Variants in RANBP2 observed in about 807,000 individuals in gnomAD.
The protein encoded by RANBP2 is E3 SUMO-protein ligase RanBP2.
RANBP2 carries 57 observed loss-of-function variants against 303.6 expected under a neutral mutation model. The observed-to-expected ratio is 0.19, with a 90% CI of 0.15 to 0.23. The LOEUF is 0.23. Among genes scored for constraint, RANBP2 ranks in the 10% least tolerant of loss-of-function variants. The pLI is 1.00. For missense variants in RANBP2, 3,138 were observed against 3,780.8 expected, an observed-to-expected ratio of 0.83 and a Z score of 4.46; for synonymous variants, 1,167 against 1,301.5, an observed-to-expected ratio of 0.90 and a Z score of 2.23.
chr2:108,749,059 T>C lies in RANBP2; in HGVS notation c.1203T>C (p.Leu401=). 1 of 1,612,008 alleles carries C rather than the reference T, an allele frequency of 6.2e-7. No individual in the cohort carries two copies. Among genetic ancestry groups the C allele is most frequent in the Non-Finnish European group, 8.5e-7 (1 of 1,179,862 alleles). The part of the protein sequence containing the change: ...SSQSPKDTSF[L]GSDDIGNIDV... ...AGTCACCTAAGGATACATCTTTTCT[T>C]GGTAGCGATGATATTGGAAACATTG... The change falls in exon 9 of 29, where the codon CTT becomes CTC. Residue 401 remains leucine, a synonymous_variant. Transcript: ENST00000283195.
At chr2:108,887,010 T>G in the RANBP2 span, among the ~76,000 whole-genome samples, 2 of 152,190 alleles carry the variant, frequency 1.3e-5, no homozygotes, top group Admixed American at 6.5e-5. Flanking sequence ...TTTTATAGTT[T>G]CATGTCCTAT....
At chr2:109,391,780 C>T in the RANBP2 span, among the ~76,000 whole-genome samples, 1 of 152,152 alleles carries the variant, frequency 6.6e-6, no homozygotes, top group Non-Finnish European at 1.5e-5. Context: ...GGCATCTGTC[C>T]CATATGAGAA....
At chr2:109,333,712 C>G in the RANBP2 span, among the ~76,000 whole-genome samples, 1 of 152,190 alleles carries the variant, frequency 6.6e-6, no homozygotes, top group African/African-American at 2.4e-5. Flanking sequence ...TGAAACCAAA[C>G]TGCTAGAGTT....
At chr2:109,058,425 C>T in the RANBP2 span, among the ~76,000 whole-genome samples, 4 of 152,202 alleles carry the variant, frequency 2.6e-5, no homozygotes, top group Admixed American at 6.5e-5. Flanking sequence ...ACCCCTAAAA[C>T]GATGCGGGCA....
At chr2:109,222,993 C>T in the RANBP2 span, among the ~76,000 whole-genome samples, 11 of 152,240 alleles carry the variant, frequency 7.2e-5, no homozygotes, top group South Asian at 2.1e-4. Flanking sequence ...GTACTCACTG[C>T]ACCCTTCAGG....
At chr2:108,773,603 GA>G (rs1406773378) in intron 23 of RANBP2, among the ~76,000 whole-genome samples, 1 of 151,248 alleles carries the variant, frequency 6.6e-6, no homozygotes, top group Admixed American at 6.6e-5. Flanking sequence ...TTCCGAAATT[GA>G]TCTATAGATT....
At chr2:109,189,732 G>A in the RANBP2 span, among the ~76,000 whole-genome samples, 1 of 152,104 alleles carries the variant, frequency 6.6e-6, no homozygotes, top group Non-Finnish European at 1.5e-5. Flanking sequence ...TAGCTTTTAG[G>A]TTTGCATCAT....
At chr2:109,718,660 G>A in the RANBP2 span, among the ~76,000 whole-genome samples, 2 of 152,074 alleles carry the variant, frequency 1.3e-5, no homozygotes, top group Admixed American at 6.6e-5. Flanking sequence ...GGTGACTGTT[G>A]CCACATCAAC....
At chr2:108,789,029 A>G, downstream of RANBP2, 4 of 1,568,326 alleles carry the variant, frequency 2.6e-6, no homozygotes, top group East Asian at 6.7e-5. Context: ...TGAGAAAGAG[A>G]AAAGGGCAGG....
chr2:109,382,058 CAGTTGCTTATGAGAA>C, the RANBP2 span, among the ~76,000 whole-genome samples: 1 of 152,066 alleles, frequency 6.6e-6, no homozygotes, highest in African/African-American at 2.4e-5. Context: ...TTGAGGTCTG[CAGTTGCTTATGAGAA>C]AGGGGTGTTT....
chr2:108,915,938 G>A, the RANBP2 span, among the ~76,000 whole-genome samples: 2 of 152,032 alleles, frequency 1.3e-5, no homozygotes, highest in Admixed American at 1.3e-4. Context: ...AAAAAGAGCT[G>A]GTGGAGAAGT....
chr2:109,405,229 C>A, the RANBP2 span, among the ~76,000 whole-genome samples: 2 of 152,198 alleles, frequency 1.3e-5, no homozygotes, highest in Non-Finnish European at 2.9e-5. Context: ...CCAGGAGCAA[C>A]CGATGACACC....
the RANBP2 span, among the ~76,000 whole-genome samples, chr2:109,464,476 C>T: frequency 6.6e-6 from 1 of 152,202 alleles, no homozygotes; most frequent in Non-Finnish European, 1.5e-5. Context: ...ATGTAAACAT[C>T]TGTACACATA....
chr2:109,512,577 T>A, the RANBP2 span, among the ~76,000 whole-genome samples: 1 of 150,930 alleles, frequency 6.6e-6, no homozygotes, highest in African/African-American at 2.4e-5. Context: ...CTTCACTGTG[T>A]GTCTCTCTAT....
At chr2:108,962,674 CAAAAAA>C in the RANBP2 span, among the ~76,000 whole-genome samples, 10 of 66,886 alleles carry the variant, frequency 1.5e-4, no homozygotes, top group South Asian at 1.3e-3. Context: ...GACTCTGTCT[CAAAAAA>C]AAAAAAAAAA....
the RANBP2 span, among the ~76,000 whole-genome samples, chr2:109,541,687 T>C: frequency 0.15 from 23,274 of 152,270 alleles, 2,620 homozygotes; most frequent in African/African-American, 0.32. Context: ...CACAACATGC[T>C]GTGCCTTGTA....
the RANBP2 span, among the ~76,000 whole-genome samples, chr2:108,865,341 T>C: frequency 6.6e-6 from 1 of 152,194 alleles, no homozygotes; most frequent in Non-Finnish European, 1.5e-5. Context: ...TGGGAGCTTA[T>C]TTGGTAGTAG....
At chr2:109,126,819 T>C in the RANBP2 span, among the ~76,000 whole-genome samples, 1 of 152,208 alleles carries the variant, frequency 6.6e-6, no homozygotes, top group Non-Finnish European at 1.5e-5. Flanking sequence ...TGGTTTCTGT[T>C]GCTTGCAACC....
the RANBP2 span, among the ~76,000 whole-genome samples, chr2:108,956,074 G>C: frequency 6.6e-6 from 1 of 152,014 alleles, no homozygotes; most frequent in Non-Finnish European, 1.5e-5. Flanking sequence ...AACACTGTTC[G>C]GGCTACTTGT....
Sources: allele counts gnomAD v4.1 joint callset (sites outside exome capture counted in the v4.1 genomes callset), GRCh38; gene constraint gnomAD v4.1.1; transcripts MANE v1.5; gene names NCBI Gene and HGNC (gene_info 2026-07-23, HGNC 2026-07-21).